GRIA3: variants seen among roughly 807,000 people sequenced by gnomAD.
GRIA3 encodes the protein glutamate receptor 3.
GRIA3 carries 3 observed loss-of-function variants against 63.0 expected under a neutral mutation model. That is an observed-to-expected ratio of 0.05 (90% confidence interval 0.02 to 0.12). GRIA3 has a LOEUF of 0.12. Ranked by LOEUF, GRIA3 falls within the 10% of genes least tolerant of loss-of-function variation. GRIA3 has a pLI of 1.00. For synonymous variants in GRIA3, 274 were observed against 257.9 expected, an observed-to-expected ratio of 1.06 and a Z score of -0.60; for missense variants, 347 against 700.9, an observed-to-expected ratio of 0.50 and a Z score of 5.70.
chrX:123,268,618 A>AT (rs1271148220), intron 3 of GRIA3, among the ~76,000 whole-genome samples: 1 of 110,900 alleles, frequency 9.0e-6, no homozygotes, highest in Non-Finnish European at 1.9e-5. Context: ...GAATAGTAGC[A>AT]TTTAAAAAAT....
chrX:123,251,454 C>T (rs758645802), intron 2 of GRIA3, among the ~76,000 whole-genome samples: 54 of 111,280 alleles, frequency 4.9e-4, no homozygotes, highest in African/African-American at 1.2e-3. Flanking sequence ...ATTTTTGAGA[C>T]GGTGTCTCAC....
chrX:123,380,200 A>G (rs1444178350), intron 5 of GRIA3, among the ~76,000 whole-genome samples: 2 of 111,327 alleles, frequency 1.8e-5, no homozygotes, highest in African/African-American at 6.5e-5. Context: ...CTAGTTCTAG[A>G]TCCCTGAGGA....
chrX:123,326,035 T>C lies in GRIA3; in HGVS notation c.518T>C (p.Ile173Thr). The change falls in exon 4 of 16, where the codon ATC becomes ACC. Residue 173 changes from isoleucine (I) to threonine (T), a missense_variant. Physicochemically the swap from Ile to Thr is moderately conservative, Grantham distance 89 (BLOSUM62 -1). Transcript: ENST00000620443. ...YLYDTERGFS[I>T]LQAIMEAAVQ... is the part of the protein sequence containing the mutation. Reference sequence around the variant, plus strand: ...TTTTTCCTTCCTTCAGGATTTTCCATCCTCCAAGCGATTATGGAAGCAGCA... The same window carrying C: ...TTTTTCCTTCCTTCAGGATTTTCCACCCTCCAAGCGATTATGGAAGCAGCA... The C allele has an allele frequency of 8.3e-7, 1 of 1,206,454 alleles. No homozygotes were observed.
At chrX:123,351,331 G>A (rs1269391889) in intron 4 of GRIA3, among the ~76,000 whole-genome samples, 4 of 111,653 alleles carry the variant, frequency 3.6e-5, no homozygotes, top group Non-Finnish European at 7.5e-5. Flanking sequence ...TTCAAAAAAG[G>A]GAAAGATCAA....
At position 123,490,370 on chromosome X, in the gene GRIA3, T is replaced by C. The variant is rs966967704; in HGVS notation, c.*1660T>C. The C allele has an allele frequency of 8.8e-6, 1 of 113,102 alleles. No individual in the cohort carries two copies. The highest frequency in any genetic ancestry group is 1.9e-5 in the Non-Finnish European group (1 of 53,373). The allele number at this position is 113,102 out of a possible 1,213,427, so 9.3% of individuals were successfully genotyped here. On this transcript the variant is annotated 3_prime_UTR_variant, in exon 16 of 16. Transcript: ENST00000620443. The stretch of plus-strand genomic sequence containing the variant: ...CTCACTTGTCAAATTTCAAATGGTA[T>C]TGAACAAAAAAAGAAAGCTGTTGTG...
At chrX:123,265,162 G>A (rs1010663388) in intron 3 of GRIA3, among the ~76,000 whole-genome samples, 2 of 111,398 alleles carry the variant, frequency 1.8e-5, no homozygotes, top group Admixed American at 9.5e-5. Context: ...AAAAAAATAC[G>A]TAAATACAAT....
intron 2 of GRIA3, among the ~76,000 whole-genome samples, chrX:123,209,463 C>T (rs182043081): frequency 9.0e-6 from 1 of 111,436 alleles, no homozygotes; most frequent in Admixed American, 9.6e-5. Context: ...TCTGCAGCCA[C>T]CAGTACAAAT....
At chrX:123,431,546 C>T (rs762007435) in intron 12 of GRIA3, among the ~76,000 whole-genome samples, 141 of 111,958 alleles carry the variant, frequency 1.3e-3, no homozygotes, top group Middle Eastern at 4.6e-3. Flanking sequence ...CCCAACCAGA[C>T]GTAGAAGCAC....
rs779863491 is a variant in GRIA3, at chrX:123,347,174, G to A, written c.697-7736G>A. 4.1e-4 allele frequency among the ~76,000 whole-genome samples: 46 copies of A among 112,235 alleles called. No individual in the cohort carries two copies. In the South Asian group the frequency reaches 0.017, roughly 41 times the overall value. ...AACTGTTAGCGTGTCAGTGTGATCA[G>A]AAAGGTGGATGAGCTGGCAGAGTGG... On this transcript the variant is annotated intron_variant, in intron 4 of 15. Transcript: ENST00000620443.
chrX:123,300,772 T>G (rs1771252461), intron 3 of GRIA3, among the ~76,000 whole-genome samples: 1 of 110,352 alleles, frequency 9.1e-6, no homozygotes, highest in African/African-American at 3.3e-5. Context: ...GTTGTTAATT[T>G]GAGATCTTTC....
chrX:123,481,472 G>A (rs1324744802), intron 14 of GRIA3, among the ~76,000 whole-genome samples: 2 of 111,799 alleles, frequency 1.8e-5, no homozygotes, highest in Non-Finnish European at 3.8e-5. Context: ...ATGAAAATGG[G>A]ATAAGAAGGA....
At chrX:123,234,256 G>C (rs766604911) in intron 2 of GRIA3, among the ~76,000 whole-genome samples, 1 of 111,173 alleles carries the variant, frequency 9.0e-6, no homozygotes, top group African/African-American at 3.3e-5. Context: ...GCAGGCCACA[G>C]AATTTCCAGC....
chrX:123,361,164 G>C (rs1160827545), intron 5 of GRIA3: 1 of 111,540 alleles, frequency 9.0e-6, no homozygotes, highest in Non-Finnish European at 1.9e-5. Context: ...TGCTTAGAGA[G>C]AAAACAAGTT....
At position 123,262,252 on chromosome X, in the gene GRIA3, T is replaced by A. The variant is rs1180284125; in HGVS notation, c.508+8710T>A. 2.7e-5 allele frequency among the ~76,000 whole-genome samples: 3 copies of A among 111,704 alleles called. No individual in the cohort carries two copies. The East Asian group carries it at 8.5e-4, about 32-fold the overall frequency. On this transcript the variant is annotated intron_variant, in intron 3 of 15. Coordinates refer to ENST00000620443, the MANE Select transcript of GRIA3 (RefSeq NM_007325.5). ...TCAAGCTGAACACAGTAACACCCCA[T>A]GCTCAATGACTTTTAGCTCTTATTA... is the stretch of plus-strand genomic sequence containing the variant.
chrX:123,332,356 C>A, intron 4 of GRIA3, among the ~76,000 whole-genome samples: 1 of 111,730 alleles, frequency 9.0e-6, no homozygotes, highest in South Asian at 3.7e-4. Context: ...TACTATGTTT[C>A]AGATATTATT....
chrX:123,215,129 A>G (rs1928128505), intron 2 of GRIA3, among the ~76,000 whole-genome samples: 1 of 112,175 alleles, frequency 8.9e-6, no homozygotes, highest in Non-Finnish European at 1.9e-5. Context: ...TGGGCTTTTT[A>G]TAGGGGGAGA....
intron 10 of GRIA3, among the ~76,000 whole-genome samples, chrX:123,413,656 T>G (rs55676141): frequency 0.26 from 26,576 of 103,223 alleles, 3,016 homozygotes; most frequent in South Asian, 0.46. Flanking sequence ...AAGGGTAAAA[T>G]AGATGAAAAT....
At chrX:123,239,248 T>G (rs2044317439) in intron 2 of GRIA3, among the ~76,000 whole-genome samples, 1 of 109,744 alleles carries the variant, frequency 9.1e-6, no homozygotes, top group Non-Finnish European at 1.9e-5. Flanking sequence ...ACTAAAAGAC[T>G]CAGATCTCCC....
chrX:123,277,365 T>G (rs1055351143), intron 3 of GRIA3, among the ~76,000 whole-genome samples: 5 of 111,684 alleles, frequency 4.5e-5, no homozygotes, highest in African/African-American at 1.6e-4. Flanking sequence ...TCAAGTGCCC[T>G]GCAGTCTGGT....
Sources: allele counts gnomAD v4.1 joint callset (sites outside exome capture counted in the v4.1 genomes callset), GRCh38; gene constraint gnomAD v4.1.1; transcripts MANE v1.5; gene names NCBI Gene and HGNC (gene_info 2026-07-23, HGNC 2026-07-21).